The following SPCS2 variants were observed in gnomAD, a reference collection of about 807,000 sequenced individuals.
SPCS2 encodes the protein signal peptidase complex subunit 2.
A neutral mutation model predicts 22.3 loss-of-function variants in SPCS2; 3 were observed. The observed-to-expected ratio is 0.13, with a 90% confidence interval of 0.06 to 0.35. SPCS2 has a LOEUF of 0.35. Ranked by LOEUF, SPCS2 falls within the 10% of genes least tolerant of loss-of-function variation. SPCS2 has a pLI of 1.00. For missense variants in SPCS2, 169 were observed against 280.9 expected (o/e 0.60, Z 2.85); for synonymous variants, 67 against 97.2 (o/e 0.69, Z 1.83).
At chr11:74,956,536 A>AT (rs147988125) in intron 1 of SPCS2, among the ~76,000 whole-genome samples, 10,062 of 152,112 alleles carry the variant, frequency 0.066, 498 homozygotes, top group African/African-American at 0.15. Context: ...TCATTGTCGT[A>AT]TTTTCCTGGC....
In SPCS2 at chr11:74,950,216, T is replaced by C. The variant is rs367835615; in HGVS notation, c.114+817T>C. The stretch of plus-strand genomic sequence containing the variant: ...GTCCTGGTGTTGATTTTGCCTCTAA[T>C]TAGCTTTGTGACCTTGAAATATGCT... On this transcript the variant is annotated intron_variant, in intron 1 of 4. Coordinates refer to ENST00000263672, the MANE Select transcript of SPCS2 (RefSeq NM_014752.3). Among the ~76,000 whole-genome samples the C allele has an allele frequency of 1.5e-4, 23 of 152,254 alleles. No individual in the cohort carries two copies. The East Asian group carries it at 1.9e-3, about 13-fold the overall frequency.
At chr11:74,971,306 T>C (rs1415450334) in intron 4 of SPCS2, among the ~76,000 whole-genome samples, 4 of 152,250 alleles carry the variant, frequency 2.6e-5, no homozygotes, top group Non-Finnish European at 4.4e-5. Flanking sequence ...ATAATGTTGC[T>C]ATACATATTT....
intron 1 of SPCS2, among the ~76,000 whole-genome samples, chr11:74,962,966 G>A (rs565023984): frequency 3.2e-4 from 49 of 152,262 alleles, no homozygotes; most frequent in African/African-American, 1.1e-3. Context: ...TTTCTTTTCT[G>A]TGATGCAATG....
In SPCS2 at chr11:74,978,116, A is replaced by G. The variant is rs1948626261; in HGVS notation, c.*1073A>G. The G allele has an allele frequency of 6.6e-6, 1 of 152,316 alleles. No homozygotes were observed. Among genetic ancestry groups the G allele is most frequent in the Non-Finnish European group, 1.5e-5 (1 of 68,028 alleles). 9.4% of individuals were successfully genotyped at this position (152,316 alleles called of 1,614,324 possible). A position where few individuals can be genotyped will look rare whatever the true frequency, so the allele number is the denominator to read the frequency against. ...AGAGTTTGTGGTCCTGCAGAGACAA[A>G]ACAGCCGCTTTTCCAGTATTTTCCC... On this transcript the variant is annotated 3_prime_UTR_variant, in exon 5 of 5. Coordinates refer to ENST00000263672, the MANE Select transcript of SPCS2 (RefSeq NM_014752.3).
chr11:74,973,006 G>A (rs1948595277), intron 4 of SPCS2, among the ~76,000 whole-genome samples: 1 of 151,806 alleles, frequency 6.6e-6, no homozygotes, highest in East Asian at 1.9e-4. Context: ...CTCATAGGTG[G>A]GAATTGAACA....
rs562662623 is a variant in SPCS2 at position 74,965,948 on chromosome 11, G to C, written c.359+25G>C. 18 of 1,567,040 alleles carry C rather than the reference G, an allele frequency of 1.1e-5. No homozygotes were observed. In the South Asian group the frequency reaches 1.9e-4, roughly 17 times the overall value. On this transcript the variant is annotated intron_variant, in intron 3 of 4. Coordinates refer to ENST00000263672, the MANE Select transcript of SPCS2 (RefSeq NM_014752.3). ...CATATCCTTTATTTATGCTCAGGTT[G>C]TTTTCTAGTGACTATTTTTTTAAAT...
At chr11:74,957,611 A>G (rs149726929) in intron 1 of SPCS2, among the ~76,000 whole-genome samples, 2 of 152,334 alleles carry the variant, frequency 1.3e-5, no homozygotes, top group East Asian at 3.9e-4. Flanking sequence ...GCAGATTGAT[A>G]TCCCTGAGGA....
intron 1 of SPCS2, among the ~76,000 whole-genome samples, chr11:74,964,079 T>G (rs771019445): frequency 4.6e-5 from 7 of 152,244 alleles, no homozygotes; most frequent in Non-Finnish European, 1.0e-4. Flanking sequence ...TGATAAGATA[T>G]CTGGATGTAC....
At chr11:74,949,516 T>G in intron 1 of SPCS2, 117 bp downstream of exon 1, 1 of 908,072 alleles carries the variant, frequency 1.1e-6, no homozygotes, top group Non-Finnish European at 1.8e-6. Flanking sequence ...AGCCCTTGTG[T>G]GACCACTATC....
chr11:74,957,971 A>G lies in SPCS2; in HGVS notation c.115-7063A>G, dbSNP rs1438794402. On this transcript the variant is annotated intron_variant, in intron 1 of 4. Transcript: ENST00000263672. ...GCATTACTGATTAATATGCTGAATCAAGTTGTTTTAACTTTAAGCTCTTTT... is the reference window on the plus strand; with the variant it reads ...GCATTACTGATTAATATGCTGAATCGAGTTGTTTTAACTTTAAGCTCTTTT... Among the ~76,000 whole-genome samples the G allele has an allele frequency of 5.9e-5, 9 of 152,364 alleles. 1 individual carries two copies. In the East Asian group the frequency reaches 1.7e-3, roughly 29 times the overall value.
chr11:74,960,568 A>G (rs1230776111), intron 1 of SPCS2, among the ~76,000 whole-genome samples: 3 of 150,596 alleles, frequency 2.0e-5, no homozygotes, highest in Admixed American at 6.6e-5. Flanking sequence ...GATACAATGT[A>G]TAGCTGTCAC....
intron 1 of SPCS2, among the ~76,000 whole-genome samples, chr11:74,963,228 T>C (rs546929366): frequency 2.0e-5 from 3 of 152,340 alleles, no homozygotes; most frequent in South Asian, 2.1e-4. Flanking sequence ...TTAGATGTCG[T>C]GTTTGATTTG....
rs953013467 is a variant in SPCS2 at position 74,978,604 on chromosome 11, C to T, written c.*1561C>T. On this transcript the variant is annotated 3_prime_UTR_variant, in exon 5 of 5. Transcript: ENST00000263672. Reference sequence around the variant, plus strand: ...GCATTTGCATATAACCTACACACATCCTCCCATATACTTTTAATCACCTCT... The same window carrying T: ...GCATTTGCATATAACCTACACACATTCTCCCATATACTTTTAATCACCTCT... 1.3e-5 allele frequency: 2 copies of T among 152,198 alleles called. No homozygotes were observed. Among genetic ancestry groups the T allele is most frequent in the African/African-American group, 4.8e-5 (2 of 41,452 alleles). The allele number at this position is 152,198 out of a possible 1,614,324, so 9.4% of individuals were successfully genotyped here.
In SPCS2 at chr11:74,969,649, T is replaced by C. The variant is rs568133570; in HGVS notation, c.444T>C (p.Pro148=). 5 of 1,613,690 alleles carry C rather than the reference T, an allele frequency of 3.1e-6. No homozygotes were observed. Among genetic ancestry groups the C allele is most frequent in the Non-Finnish European group, 4.2e-6 (5 of 1,179,618 alleles). Residue 148 remains proline (P), a synonymous_variant, in exon 4 of 5, where the codon CCT becomes CCC. Transcript: ENST00000263672. ...TTCTCGTGGCCCACAGGAAAGATCC[T>C]ACAGGAATGGATCCTGATGATATTT... The part of the protein sequence containing the change: ...SIFLVAHRKD[P]TGMDPDDIWQ...
In SPCS2 at chr11:74,952,534, C is replaced by T. The variant is rs146488804; in HGVS notation, c.114+3135C>T. 5.9e-5 allele frequency among the ~76,000 whole-genome samples: 9 copies of T among 152,144 alleles called. No homozygotes were observed. In the East Asian group the frequency reaches 1.7e-3, roughly 29 times the overall value. On this transcript the variant is annotated intron_variant, in intron 1 of 4. Coordinates refer to ENST00000263672, the MANE Select transcript of SPCS2 (RefSeq NM_014752.3). ...GTCTCACTGTGTTGCCCAGACTAAT[C>T]GTGAACTCCTGGCCTCAAGTGATCT...
At chr11:74,951,742 G>A (rs1473405765) in intron 1 of SPCS2, among the ~76,000 whole-genome samples, 14 of 149,998 alleles carry the variant, frequency 9.3e-5, no homozygotes, top group Admixed American at 8.0e-4. Flanking sequence ...CCCGGGAGGT[G>A]GAGGTTGCAG....
intron 4 of SPCS2, among the ~76,000 whole-genome samples, chr11:74,973,973 C>T (rs980066313): frequency 1.3e-5 from 2 of 151,944 alleles, no homozygotes; most frequent in African/African-American, 2.4e-5. Context: ...GGTTTTCTTT[C>T]CCCTTCTGCT....
intron 3 of SPCS2, 151 bp from the exon 4 acceptor site, chr11:74,969,414 A>G: frequency 2.8e-6 from 2 of 707,462 alleles, no homozygotes; most frequent in Non-Finnish European, 4.6e-6. Flanking sequence ...ATAAGGATGA[A>G]AATGAAATAG....
chr11:74,973,455 T>C (rs770500498), intron 4 of SPCS2, among the ~76,000 whole-genome samples: 32 of 152,230 alleles, frequency 2.1e-4, no homozygotes, highest in Non-Finnish European at 1.8e-4. Flanking sequence ...GCCTTAAACA[T>C]TTATTTTCAT....
Sources: allele counts gnomAD v4.1 joint callset (sites outside exome capture counted in the v4.1 genomes callset), GRCh38; gene constraint gnomAD v4.1.1; transcripts MANE v1.5; gene names NCBI Gene and HGNC (gene_info 2026-07-23, HGNC 2026-07-21).